Variants in RHBDL2 observed in about 807,000 individuals in gnomAD.
RHBDL2 encodes rhomboid-related protein 2.
Under a neutral mutation model 31.7 loss-of-function variants are expected in RHBDL2, and 26 were observed. That is an observed-to-expected ratio of 0.82 (90% CI 0.60 to 1.14). RHBDL2 has a LOEUF of 1.14. Among genes scored for constraint, RHBDL2 ranks in the 50% most tolerant of loss-of-function variants. The probability of loss-of-function intolerance (pLI) is 0.00; values close to 1 mark genes in which losing one functional copy is unlikely to be tolerated. For missense variants in RHBDL2, 336 were observed against 364.4 expected (o/e 0.92, Z 0.63); for synonymous variants, 123 against 127.2 (o/e 0.97, Z 0.22).
intron 1 of RHBDL2, among the ~76,000 whole-genome samples, chr1:38,940,062 C>T (rs1230009442): frequency 2.0e-5 from 3 of 152,228 alleles, no homozygotes; most frequent in African/African-American, 7.2e-5. Flanking sequence ...GACTTGAATT[C>T]TGGATCCATT....
At chr1:38,895,020 A>C (rs1342622356) in intron 5 of RHBDL2, among the ~76,000 whole-genome samples, 2 of 152,056 alleles carry the variant, frequency 1.3e-5, no homozygotes, top group African/African-American at 4.8e-5. Context: ...CATTTCTTAT[A>C]GCATTACTTG....
At chr1:38,927,686 C>G (rs1186162583) in intron 1 of RHBDL2, among the ~76,000 whole-genome samples, 1 of 152,164 alleles carries the variant, frequency 6.6e-6, no homozygotes, top group Middle Eastern at 3.2e-3. Flanking sequence ...AAACAGAGCT[C>G]ACCTCTGCCC....
intron 1 of RHBDL2, among the ~76,000 whole-genome samples, chr1:38,921,543 T>C (rs76487668): frequency 0.018 from 2,738 of 152,262 alleles, 84 homozygotes; most frequent in African/African-American, 0.06. Flanking sequence ...TTACTGGGAA[T>C]CAGATCAAAT....
At chr1:38,916,052 C>T (rs1643231409) in intron 2 of RHBDL2, among the ~76,000 whole-genome samples, 1 of 152,226 alleles carries the variant, frequency 6.6e-6, no homozygotes. Flanking sequence ...ACCAACTGAT[C>T]TTTCATTTAC....
chr1:38,941,573 A>G (rs553288742), intron 1 of RHBDL2, 109 bp downstream of exon 1: 1 of 152,422 alleles, frequency 6.6e-6, no homozygotes, highest in African/African-American at 2.4e-5. Flanking sequence ...AGCACCCCAC[A>G]TGTCCCTCCT....
intron 2 of RHBDL2, among the ~76,000 whole-genome samples, chr1:38,917,607 A>T (rs1643256716): frequency 6.6e-6 from 1 of 152,014 alleles, no homozygotes; most frequent in Non-Finnish European, 1.5e-5. Flanking sequence ...CAGGAAGGAG[A>T]AGCAGAAAAA....
chr1:38,917,070 T>A, intron 2 of RHBDL2, among the ~76,000 whole-genome samples: 1 of 138,038 alleles, frequency 7.2e-6, no homozygotes, highest in South Asian at 2.3e-4. Flanking sequence ...CAGGCTGGAG[T>A]GCAGTGGCGT....
chr1:38,887,868 G>C (rs1226554621), intron 7 of RHBDL2, 95 bp downstream of exon 7: 13 of 833,428 alleles, frequency 1.6e-5, no homozygotes, highest in Non-Finnish European at 2.1e-5. Context: ...ATGGAAATTT[G>C]GCTGCCCTAA....
intron 1 of RHBDL2, among the ~76,000 whole-genome samples, chr1:38,938,342 C>A (rs1434317369): frequency 6.6e-6 from 1 of 152,162 alleles, no homozygotes; most frequent in Non-Finnish European, 1.5e-5. Context: ...TATCCAATGT[C>A]TTTGGTTTAA....
chr1:38,899,101 G>A (rs1020427246), intron 4 of RHBDL2, among the ~76,000 whole-genome samples: 1 of 152,118 alleles, frequency 6.6e-6, no homozygotes, highest in Non-Finnish European at 1.5e-5. Context: ...TGACTTCTAG[G>A]GATAATCCTT....
At chr1:38,917,925 C>A (rs1643260679) in intron 2 of RHBDL2, among the ~76,000 whole-genome samples, 1 of 152,132 alleles carries the variant, frequency 6.6e-6, no homozygotes, top group Admixed American at 6.5e-5. Context: ...TTGAGTAAAG[C>A]CGATTTCCCA....
intron 1 of RHBDL2, chr1:38,929,694 A>G: frequency 1.8e-6 from 1 of 562,156 alleles, no homozygotes; most frequent in Non-Finnish European, 2.3e-6. Flanking sequence ...GCTGCCAGGG[A>G]GACTTTCGGT....
intron 2 of RHBDL2, 133 bp from the exon 3 acceptor site, chr1:38,915,843 T>A: frequency 1.3e-6 from 1 of 746,094 alleles, no homozygotes; most frequent in South Asian, 1.7e-5. Context: ...GAAGGTGACA[T>A]GAAATACACT....
intron 2 of RHBDL2, among the ~76,000 whole-genome samples, chr1:38,918,543 G>A (rs116743966): frequency 1.3e-5 from 2 of 152,080 alleles, no homozygotes; most frequent in Non-Finnish European, 2.9e-5. Context: ...AAAGGATCCC[G>A]TTTTTTTCCT....
intron 4 of RHBDL2, among the ~76,000 whole-genome samples, chr1:38,908,128 C>A (rs1570924102): frequency 9.2e-6 from 1 of 109,032 alleles, no homozygotes; most frequent in Non-Finnish European, 1.9e-5. Context: ...AAAAGATATT[C>A]AACAATGCAT....
At chr1:38,916,811 C>T (rs1306572111) in intron 2 of RHBDL2, among the ~76,000 whole-genome samples, 1 of 141,284 alleles carries the variant, frequency 7.1e-6, no homozygotes, top group Non-Finnish European at 1.5e-5. Context: ...GCGGAGGTTG[C>T]AGTGAGCTGA....
chr1:38,893,169 A>G lies in RHBDL2; in HGVS notation c.665T>C (p.Leu222Pro). Residue 222 changes from leucine (L) to proline (P), a missense_variant, in exon 6 of 8, where the codon CTG becomes CCG. Leu to Pro is a moderately conservative substitution (Grantham distance 98, BLOSUM62 -3). Transcript: ENST00000372990. ...TATTCACAAAACACACTTACTTATC[A>G]GGATGATGATCAGCAGTCTGAAAAT... ...FGIFRLLIII[L>P]IIVLDMGFAL... 1 of 1,555,820 alleles carries G rather than the reference A, an allele frequency of 6.4e-7. No individual in the cohort carries two copies. The highest frequency in any genetic ancestry group is 8.9e-7 in the Non-Finnish European group (1 of 1,128,076).
intron 2 of RHBDL2, among the ~76,000 whole-genome samples, chr1:38,916,874 A>AC (rs1465804722): frequency 6.6e-6 from 1 of 150,928 alleles, no homozygotes; most frequent in African/African-American, 2.4e-5. Context: ...CATCTCAAAA[A>AC]AAAAAAAAAA....
Position 38,886,611 on chromosome 1 carries a change from CA to C in RHBDL2, c.804del (p.Phe268LeufsTer6), listed in dbSNP as rs768902057. On this transcript the variant is annotated frameshift_variant, in exon 8 of 8. Transcript: ENST00000372990. LOFTEE classifies it high-confidence loss of function. ...CTTGGATCTTTCAGCAGTGCTTTAT[CA>C]AAGCAGCTAAACACCGTGTAGCCAA... is the stretch of plus-strand genomic sequence containing the variant. ...MSIGYTVFSC[F>X]DKALLKDPRF... 6.2e-7 allele frequency: 1 copy of C among 1,607,198 alleles called. No homozygotes were observed. The highest frequency in any genetic ancestry group is 1.1e-5 in the South Asian group (1 of 90,032).
Sources: allele counts gnomAD v4.1 joint callset (sites outside exome capture counted in the v4.1 genomes callset), GRCh38; gene constraint gnomAD v4.1.1; transcripts MANE v1.5; gene names NCBI Gene and HGNC (gene_info 2026-07-23, HGNC 2026-07-21).